Variants in SNAP25 observed in about 807,000 individuals in gnomAD.
SNAP25 encodes the protein synaptosome associated protein 25.
SNAP25 carries 3 observed loss-of-function variants against 28.7 expected under a neutral mutation model. That is an observed-to-expected ratio of 0.10 (90% confidence interval 0.05 to 0.27). SNAP25 has a LOEUF of 0.27. Ranked by LOEUF, SNAP25 falls within the 10% of genes least tolerant of loss-of-function variation. The probability of loss-of-function intolerance (pLI) is 1.00; values close to 1 mark genes in which losing one functional copy is unlikely to be tolerated. For synonymous variants in SNAP25, 61 were observed against 88.1 expected (o/e 0.69, Z 1.72); for missense variants, 117 against 278.7 (o/e 0.42, Z 4.13).
At chr20:10,234,887 CATAAA>C (rs1242156943) in intron 1 of SNAP25, among the ~76,000 whole-genome samples, 3 of 152,064 alleles carry the variant, frequency 2.0e-5, no homozygotes, top group Non-Finnish European at 4.4e-5. Flanking sequence ...AATAAAATAA[CATAAA>C]ATAAAATAAA....
chr20:10,258,793 C>T (rs1773194715), intron 1 of SNAP25, among the ~76,000 whole-genome samples: 1 of 152,208 alleles, frequency 6.6e-6, no homozygotes, highest in Non-Finnish European at 1.5e-5. Context: ...ACTTCAGAGA[C>T]ACTTTATCAT....
intron 1 of SNAP25, among the ~76,000 whole-genome samples, chr20:10,261,331 C>CTAAATGTTT (rs1327195773): frequency 5.3e-5 from 8 of 152,152 alleles, no homozygotes; most frequent in Admixed American, 5.2e-4. Context: ...TACACACACC[C>CTAAATGTTT]TAAATGTTCC....
Position 10,285,803 on chromosome 20 carries a change from C to T in SNAP25, c.163+1031C>T, listed in dbSNP as rs979125334. On this transcript the variant is annotated intron_variant, in intron 4 of 7. Transcript: ENST00000254976. ...AAGGAAAAATGGATGTAAAATAAGA[C>T]GTCATCACAGATGTATGAAACCATG... Among the ~76,000 whole-genome samples, 6 of 152,082 alleles carry T rather than the reference C, an allele frequency of 3.9e-5. 1 individual carries two copies. Among genetic ancestry groups the T allele is most frequent in the Non-Finnish European group, 5.9e-5 (4 of 68,006 alleles).
intron 7 of SNAP25, among the ~76,000 whole-genome samples, chr20:10,303,470 A>G (rs988650206): frequency 3.9e-5 from 6 of 152,204 alleles, no homozygotes; most frequent in African/African-American, 1.4e-4. Context: ...TTGAACATGG[A>G]TAATTCTAAT....
chr20:10,276,740 A>G (rs965320627), intron 2 of SNAP25, among the ~76,000 whole-genome samples: 2 of 152,238 alleles, frequency 1.3e-5, no homozygotes, highest in Admixed American at 6.5e-5. Context: ...GGAATTTACA[A>G]TAAAGAGAGT....
In SNAP25 at chr20:10,293,136, G is replaced by C; in HGVS notation, c.164-25G>C. On this transcript the variant is annotated intron_variant, in intron 4 of 7. Transcript: ENST00000254976. The surrounding 1 kb of genome is among the most constrained non-coding windows in gnomAD (Gnocchi z 5.6). ...CTTTTCCATCTGCTTCATTCTGTGG[G>C]GATAAAATACTTGTGTTTAATCAGA... 6.3e-7 allele frequency: 1 copy of C among 1,590,558 alleles called. No homozygotes were observed. Among genetic ancestry groups the C allele is most frequent in the Non-Finnish European group, 8.6e-7 (1 of 1,159,714 alleles).
intron 1 of SNAP25, among the ~76,000 whole-genome samples, chr20:10,223,869 C>A (rs764319984): frequency 6.6e-6 from 1 of 152,114 alleles, no homozygotes. Flanking sequence ...ATAAATAGTG[C>A]AACCCACAGA....
chr20:10,220,749 TA>T (rs1328851464), intron 1 of SNAP25, among the ~76,000 whole-genome samples: 1 of 152,220 alleles, frequency 6.6e-6, no homozygotes, highest in Non-Finnish European at 1.5e-5. Flanking sequence ...TACAATGCAT[TA>T]AAGAAACGCT....
At chr20:10,263,242 A>G (rs1042826357) in intron 1 of SNAP25, among the ~76,000 whole-genome samples, 1 of 151,242 alleles carries the variant, frequency 6.6e-6, no homozygotes, top group African/African-American at 2.4e-5. Context: ...GATGGTCTCG[A>G]TCTCCTGACC....
At chr20:10,304,906 A>G (rs1273838823) in intron 7 of SNAP25, among the ~76,000 whole-genome samples, 1 of 152,186 alleles carries the variant, frequency 6.6e-6, no homozygotes, top group Non-Finnish European at 1.5e-5. Flanking sequence ...CACCACAATA[A>G]TAGGAGGTGG....
chr20:10,257,229 CT>C (rs1338151670), intron 1 of SNAP25, among the ~76,000 whole-genome samples: 2 of 152,188 alleles, frequency 1.3e-5, no homozygotes, highest in Non-Finnish European at 2.9e-5. Flanking sequence ...CAATTCTTCA[CT>C]GAGAAGACTT....
intron 3 of SNAP25, among the ~76,000 whole-genome samples, chr20:10,282,605 A>T (rs1206918725): frequency 6.6e-6 from 1 of 152,228 alleles, no homozygotes; most frequent in Non-Finnish European, 1.5e-5. Context: ...AAGAAAGTGT[A>T]AACAGATGAG....
intron 1 of SNAP25, among the ~76,000 whole-genome samples, chr20:10,257,237 A>T (rs1469120214): frequency 1.6e-4 from 25 of 152,206 alleles, no homozygotes; most frequent in Non-Finnish European, 4.4e-5. Flanking sequence ...CACTGAGAAG[A>T]CTTGGAGAAA....
chr20:10,297,109 A>G, intron 6 of SNAP25, 59 bp downstream of exon 6: 1 of 1,470,444 alleles, frequency 6.8e-7, no homozygotes, highest in Non-Finnish European at 9.0e-7. Context: ...AAACAACTCC[A>G]AAACTGAGTG....
intron 1 of SNAP25, among the ~76,000 whole-genome samples, chr20:10,230,177 G>A (rs1276235440): frequency 6.6e-6 from 1 of 152,072 alleles, no homozygotes; most frequent in Non-Finnish European, 1.5e-5. Flanking sequence ...CAGAGAAAAA[G>A]CCAAGGAGGA....
intron 1 of SNAP25, among the ~76,000 whole-genome samples, chr20:10,273,863 C>T (rs2063640901): frequency 6.6e-6 from 1 of 152,196 alleles, no homozygotes; most frequent in African/African-American, 2.4e-5. Context: ...CTATCAGATA[C>T]CTACCCCATC....
chr20:10,245,319 C>A (rs2063107145), intron 1 of SNAP25, among the ~76,000 whole-genome samples: 1 of 152,168 alleles, frequency 6.6e-6, no homozygotes, highest in Admixed American at 6.5e-5. Context: ...GAGGTTGGAG[C>A]TGGCAGGGTG....
intron 1 of SNAP25, among the ~76,000 whole-genome samples, chr20:10,268,534 A>G (rs2063542477): frequency 6.6e-6 from 1 of 152,136 alleles, no homozygotes; most frequent in African/African-American, 2.4e-5. Flanking sequence ...CCCCAGCATA[A>G]TAGCCATGTC....
chr20:10,281,392 C>T (rs2063775388), intron 3 of SNAP25, among the ~76,000 whole-genome samples: 1 of 152,206 alleles, frequency 6.6e-6, no homozygotes, highest in Admixed American at 6.5e-5. Context: ...TAGAAGCTGT[C>T]AGCAAAAGAG....
Sources: gnomAD v4.1 joint callset for allele counts (sites outside exome capture counted in the v4.1 genomes callset) on GRCh38, gnomAD v4.1.1 for gene constraint, Gnocchi (gnomAD v3.1) non-coding constraint, MANE v1.5 for transcripts, NCBI Gene and HGNC (gene_info 2026-07-23, HGNC 2026-07-21) for gene names.